Variants in TLN2 observed in about 807,000 individuals in gnomAD.
TLN2 encodes talin 2.
TLN2 carries 118 observed loss-of-function variants against 294.7 expected under a neutral mutation model. The ratio of observed to expected loss-of-function variants is 0.40; its 90% confidence interval spans 0.34 to 0.47. The LOEUF is 0.47. TLN2 is among the 20% of genes least tolerant of loss of function. The probability of loss-of-function intolerance (pLI) is 0.84; values close to 1 mark genes in which losing one functional copy is unlikely to be tolerated. For synonymous variants in TLN2, 1,431 were observed against 1,304.5 expected (o/e 1.10, Z -2.09); for missense variants, 3,083 against 3,282.2 (o/e 0.94, Z 1.48).
rs920787174 is a variant in TLN2 at position 62,844,298 on chromosome 15, G to C, written c.*3688G>C. 1 of 152,038 alleles carries C rather than the reference G, an allele frequency of 6.6e-6. No individual in the cohort carries two copies. The highest frequency in any genetic ancestry group is 2.4e-5 in the African/African-American group (1 of 41,406). 9.4% of individuals were successfully genotyped at this position (152,038 alleles called of 1,614,324 possible). A position where few individuals can be genotyped will look rare whatever the true frequency, so the allele number is the denominator to read the frequency against. On this transcript the variant is annotated 3_prime_UTR_variant, in exon 59 of 59. Coordinates refer to ENST00000636159, the MANE Select transcript of TLN2 (RefSeq NM_015059.3). ...TCATGTTTATGGTCACTACGGATGAGTGTGTGCAGAGTTTGGGTTGATTCT... is the reference window on the plus strand; with the variant it reads ...TCATGTTTATGGTCACTACGGATGACTGTGTGCAGAGTTTGGGTTGATTCT...
At chr15:62,790,843 C>T (rs920836589) in intron 45 of TLN2, among the ~76,000 whole-genome samples, 2 of 152,208 alleles carry the variant, frequency 1.3e-5, no homozygotes, top group Non-Finnish European at 2.9e-5. Flanking sequence ...GTGTTTTTCC[C>T]GCCTCAGCGG....
intron 38 of TLN2, 128 bp downstream of exon 38, chr15:62,761,949 T>C: frequency 8.1e-7 from 1 of 1,240,588 alleles, no homozygotes; most frequent in Non-Finnish European, 1.2e-6. Context: ...CTCTTGTCAA[T>C]GATGGCATGT....
rs2058742108 is a variant in TLN2, at chr15:62,701,925, G to T, written c.1697-67G>T. ...TAGGTGAGGAACTCCTGCCAGTGTGGGGTTTTGAAAATTCTCACCAGAACC... is the reference window on the plus strand; with the variant it reads ...TAGGTGAGGAACTCCTGCCAGTGTGTGGTTTTGAAAATTCTCACCAGAACC... On this transcript the variant is annotated intron_variant, in intron 17 of 58. Transcript: ENST00000636159. The T allele has an allele frequency of 3.8e-6, 6 of 1,564,376 alleles. No individual in the cohort carries two copies. In the South Asian group the frequency reaches 5.7e-5, roughly 15 times the overall value.
chr15:62,746,835 T>C (rs112932745), intron 32 of TLN2, among the ~76,000 whole-genome samples: 27 of 152,348 alleles, frequency 1.8e-4, no homozygotes, highest in African/African-American at 5.8e-4. Flanking sequence ...TGGAGTCAGA[T>C]AGGCATGAGT....
At chr15:62,800,323 T>A in intron 48 of TLN2, 45 bp from the exon 49 acceptor site, 1 of 1,598,968 alleles carries the variant, frequency 6.3e-7, no homozygotes, top group African/African-American at 1.3e-5. Flanking sequence ...AGCCCACAGC[T>A]GACATCTTGA....
At chr15:62,527,488 G>A (rs1013199954) in intron 1 of TLN2, among the ~76,000 whole-genome samples, 1 of 152,142 alleles carries the variant, frequency 6.6e-6, no homozygotes, top group South Asian at 2.1e-4. Context: ...AGGGTCCCTG[G>A]CCTCTCACGT....
intron 2 of TLN2, among the ~76,000 whole-genome samples, chr15:62,600,935 C>G (rs1229728382): frequency 1.3e-5 from 2 of 152,276 alleles, no homozygotes; most frequent in East Asian, 3.9e-4. Flanking sequence ...TAATATCAAG[C>G]TAATGTTCAA....
chr15:62,830,279 CCT>C (rs1356426052), intron 54 of TLN2: 4 of 152,456 alleles, frequency 2.6e-5, no homozygotes, highest in Admixed American at 2.0e-4. Flanking sequence ...ACCAGGTGAG[CCT>C]CTCTGGTGAG....
At chr15:62,575,552 C>CT (rs2140662822) in intron 1 of TLN2, among the ~76,000 whole-genome samples, 1 of 151,980 alleles carries the variant, frequency 6.6e-6, no homozygotes, top group Non-Finnish European at 1.5e-5. Context: ...GTAGTGTGAG[C>CT]TAAATAATGG....
chr15:62,599,949 G>GT (rs1218899224), intron 2 of TLN2, among the ~76,000 whole-genome samples: 96 of 152,260 alleles, frequency 6.3e-4, no homozygotes, highest in African/African-American at 2.2e-3. Flanking sequence ...GCGTTGTTCT[G>GT]TTGTGTTTAC....
intron 1 of TLN2, among the ~76,000 whole-genome samples, chr15:62,437,406 C>T (rs1198626413): frequency 6.6e-6 from 1 of 151,996 alleles, no homozygotes; most frequent in Non-Finnish European, 1.5e-5. Flanking sequence ...CGAGCCACCA[C>T]ACCTGACCTT....
At chr15:62,557,171 G>A (rs746050708) in intron 1 of TLN2, among the ~76,000 whole-genome samples, 2 of 152,138 alleles carry the variant, frequency 1.3e-5, no homozygotes, top group African/African-American at 2.4e-5. Flanking sequence ...GGATGTGAGC[G>A]GGATCAAGGG....
At chr15:62,494,255 G>A (rs1266030561) in intron 1 of TLN2, among the ~76,000 whole-genome samples, 1 of 151,822 alleles carries the variant, frequency 6.6e-6, no homozygotes, top group Admixed American at 6.6e-5. Context: ...GAGGGCAGTG[G>A]ACCCTTGACA....
In TLN2 at chr15:62,740,633, AAAG is replaced by A. The variant is rs756489242; in HGVS notation, c.3894_3896del (p.Glu1298del). 2 of 1,614,062 alleles carry A rather than the reference AAAG, an allele frequency of 1.2e-6. No individual in the cohort carries two copies. The highest frequency in any genetic ancestry group is 1.7e-6 in the Non-Finnish European group (2 of 1,180,040). On this transcript the variant is annotated inframe_deletion, in exon 32 of 59. Transcript: ENST00000636159. ...CCGGCTCCTTTTGACCTTCCAGACA[AAAG>A]AAGACCAGATCCAAGTGATAGGGAA...
chr15:62,601,835 C>T (rs79335971), intron 2 of TLN2, among the ~76,000 whole-genome samples: 4,958 of 152,132 alleles, frequency 0.033, 204 homozygotes, highest in African/African-American at 0.094. Flanking sequence ...CTTTTTTTAG[C>T]GTAATTTAAT....
chr15:62,457,132 T>A (rs893285897), intron 1 of TLN2, among the ~76,000 whole-genome samples: 6 of 152,188 alleles, frequency 3.9e-5, no homozygotes. Flanking sequence ...AATAGAAATT[T>A]TTTCACGGTT....
chr15:62,763,418 C>G (rs747623772), intron 39 of TLN2, 145 bp from the exon 40 acceptor site: 11 of 1,060,624 alleles, frequency 1.0e-5, no homozygotes, highest in Non-Finnish European at 1.5e-5. Flanking sequence ...TGAGACGTTG[C>G]CAACCAGGGG....
At chr15:62,604,688 C>T (rs184788259) in intron 2 of TLN2, among the ~76,000 whole-genome samples, 5 of 135,740 alleles carry the variant, frequency 3.7e-5, no homozygotes, top group Admixed American at 1.5e-4. Context: ...TTCTTCTCTT[C>T]GTCTTCTTTT....
chr15:62,563,224 T>C (rs1325440049), intron 1 of TLN2, among the ~76,000 whole-genome samples: 1 of 152,098 alleles, frequency 6.6e-6, no homozygotes, highest in Non-Finnish European at 1.5e-5. Flanking sequence ...AGTGTAGAAG[T>C]GCTCCCTGTT....
Sources: gnomAD v4.1 joint callset for allele counts (sites outside exome capture counted in the v4.1 genomes callset) on GRCh38, gnomAD v4.1.1 for gene constraint, MANE v1.5 for transcripts, NCBI Gene and HGNC (gene_info 2026-07-23, HGNC 2026-07-21) for gene names.